KIF1B: variants seen among roughly 807,000 people sequenced by gnomAD.
KIF1B encodes the protein kinesin family member 1B, also known as kinesin-like protein KIF1B.
In KIF1B, 76 loss-of-function variants were observed where a neutral mutation model predicts 241.9. That is an observed-to-expected ratio of 0.31 (90% CI 0.26 to 0.38). The LOEUF is 0.38. Ranked by LOEUF, KIF1B falls within the 10% of genes least tolerant of loss-of-function variation. KIF1B has a pLI of 1.00. For synonymous variants in KIF1B, 750 were observed against 796.7 expected (o/e 0.94, Z 0.99); for missense variants, 1,622 against 2,271.4 (o/e 0.71, Z 5.81).
chr1:10,224,422 G>T (rs988585377), intron 1 of KIF1B, among the ~76,000 whole-genome samples: 2 of 151,874 alleles, frequency 1.3e-5, no homozygotes, highest in Admixed American at 6.6e-5. Context: ...AGCCTGTTTT[G>T]TGTGTGTGTT....
Position 10,378,098 on chromosome 1 carries a change from C to A in KIF1B, c.*1511C>A. The A allele has an allele frequency of 6.5e-6, 3 of 463,606 alleles. No homozygotes were observed. Among genetic ancestry groups the A allele is most frequent in the Non-Finnish European group, 1.2e-5 (3 of 259,894 alleles). 28.7% of individuals were successfully genotyped at this position (463,606 alleles called of 1,614,324 possible). Reference sequence around the variant, plus strand: ...CAGGTTGAAGATGCTTTCAGTGATGCTCTCTATACTCATAAATAAGCAAAT... The same window carrying A: ...CAGGTTGAAGATGCTTTCAGTGATGATCTCTATACTCATAAATAAGCAAAT... On this transcript the variant is annotated 3_prime_UTR_variant, in exon 49 of 49. Coordinates refer to ENST00000676179, the MANE Select transcript of KIF1B (RefSeq NM_001365951.3).
At chr1:10,247,919 C>A (rs769248192) in intron 2 of KIF1B, among the ~76,000 whole-genome samples, 1 of 152,236 alleles carries the variant, frequency 6.6e-6, no homozygotes, top group Non-Finnish European at 1.5e-5. Context: ...AAGGAGCGGG[C>A]AACCTAGATC....
chr1:10,276,741 C>A (rs1040805108), intron 12 of KIF1B, among the ~76,000 whole-genome samples: 3 of 151,786 alleles, frequency 2.0e-5, no homozygotes, highest in Admixed American at 2.0e-4. Context: ...TTATTCATTT[C>A]TATAAAAAGA....
intron 15 of KIF1B, among the ~76,000 whole-genome samples, chr1:10,285,328 T>A (rs1183316960): frequency 6.6e-6 from 1 of 152,220 alleles, no homozygotes; most frequent in African/African-American, 2.4e-5. Flanking sequence ...AATTTCTCCC[T>A]AACTGCCAAG....
intron 1 of KIF1B, among the ~76,000 whole-genome samples, chr1:10,213,821 A>C (rs1238292910): frequency 6.6e-6 from 1 of 152,106 alleles, no homozygotes; most frequent in Non-Finnish European, 1.5e-5. Flanking sequence ...AACAGATGTG[A>C]CTGTGGTAGG....
chr1:10,305,548 T>C, intron 22 of KIF1B: 1 of 1,059,448 alleles, frequency 9.4e-7, no homozygotes, highest in Non-Finnish European at 1.1e-6. Context: ...AGCTACAGCA[T>C]ATGGCTCTGT....
At chr1:10,334,706 C>T (rs115067562) in intron 28 of KIF1B, 68 bp downstream of exon 28, 38,857 of 1,206,530 alleles carry the variant, frequency 0.032, 820 homozygotes, top group Non-Finnish European at 0.04. Flanking sequence ...GCTGATTCTG[C>T]GTGGGTCACG....
At chr1:10,375,864 T>C (rs1638873059) in intron 48 of KIF1B, among the ~76,000 whole-genome samples, 1 of 139,886 alleles carries the variant, frequency 7.1e-6, no homozygotes, top group South Asian at 2.3e-4. Flanking sequence ...TGGCATGATA[T>C]CGGCTCACCG....
intron 22 of KIF1B, chr1:10,305,945 A>G (rs780488121): frequency 2.6e-5 from 27 of 1,054,386 alleles, no homozygotes; most frequent in Non-Finnish European, 2.9e-5. Context: ...GAAATCATCT[A>G]TCAAACACTT....
At chr1:10,268,617 T>C (rs1424435396) in intron 7 of KIF1B, among the ~76,000 whole-genome samples, 1 of 145,682 alleles carries the variant, frequency 6.9e-6, no homozygotes, top group Admixed American at 7.3e-5. Context: ...GCCTTTGGTA[T>C]GTGTATTCTT....
At chr1:10,323,088 C>G (rs1401844487) in intron 24 of KIF1B, among the ~76,000 whole-genome samples, 1 of 152,058 alleles carries the variant, frequency 6.6e-6, no homozygotes, top group Non-Finnish European at 1.5e-5. Flanking sequence ...TCTCAAACTC[C>G]TGGGCTCAAG....
chr1:10,305,722 G>A (rs1650796222), intron 22 of KIF1B: 2 of 1,057,360 alleles, frequency 1.9e-6, no homozygotes, highest in Non-Finnish European at 2.3e-6. Context: ...ATGATTTATT[G>A]TATCAATACC....
intron 1 of KIF1B, among the ~76,000 whole-genome samples, chr1:10,223,009 T>A (rs1289719634): frequency 6.6e-6 from 1 of 152,208 alleles, no homozygotes; most frequent in Non-Finnish European, 1.5e-5. Flanking sequence ...ATCCCAGCAC[T>A]TTGGGAGGCC....
intron 15 of KIF1B, among the ~76,000 whole-genome samples, chr1:10,289,748 G>A (rs938546586): frequency 6.6e-6 from 1 of 152,124 alleles, no homozygotes; most frequent in Non-Finnish European, 1.5e-5. Context: ...GCCGGACATA[G>A]TGGTGTGCAC....
intron 2 of KIF1B, among the ~76,000 whole-genome samples, chr1:10,244,630 T>G (rs1647182495): frequency 1.4e-5 from 2 of 139,600 alleles, no homozygotes; most frequent in African/African-American, 2.7e-5. Flanking sequence ...TTTTTTTTTT[T>G]GAGACGGAGT....
chr1:10,267,323 C>T (rs531072072), intron 5 of KIF1B, 57 bp from the exon 6 acceptor site: 54 of 1,541,440 alleles, frequency 3.5e-5, no homozygotes, highest in Middle Eastern at 3.7e-4. Context: ...CCACCGCGCC[C>T]GGCTTCTGTA....
chr1:10,329,561 C>T (rs1287385860), intron 27 of KIF1B, among the ~76,000 whole-genome samples: 3 of 152,096 alleles, frequency 2.0e-5, no homozygotes, highest in South Asian at 2.1e-4. Flanking sequence ...GGTGAAACCT[C>T]GTCTCTACTA....
At chr1:10,376,374 C>T (rs1294393299) in intron 48 of KIF1B, among the ~76,000 whole-genome samples, 171 bp from the exon 49 acceptor site, 1 of 152,148 alleles carries the variant, frequency 6.6e-6, no homozygotes, top group African/African-American at 2.4e-5. Context: ...GATTCAGCCT[C>T]ACGTTCTGAG....
intron 1 of KIF1B, chr1:10,211,470 C>T (rs1242617350): frequency 6.6e-6 from 1 of 152,174 alleles, no homozygotes; most frequent in African/African-American, 2.4e-5. Context: ...GGCATTCAGC[C>T]GACTGGGATT....
Sources: gnomAD v4.1 joint callset for allele counts (sites outside exome capture counted in the v4.1 genomes callset) on GRCh38, gnomAD v4.1.1 for gene constraint, MANE v1.5 for transcripts, NCBI Gene and HGNC (gene_info 2026-07-23, HGNC 2026-07-21) for gene names.